Variants in TBC1D1 observed in about 807,000 individuals in gnomAD.
TBC1D1 encodes TBC1 domain family member 1, also known as TBC1 (tre-2/USP6, BUB2, cdc16) domain family, member 1.
Under a neutral mutation model 125.6 loss-of-function variants are expected in TBC1D1, and 89 were observed. The observed-to-expected ratio is 0.71, with a 90% CI of 0.60 to 0.85. TBC1D1 has a LOEUF of 0.85. Among genes scored for constraint, TBC1D1 ranks in the 40% least tolerant of loss-of-function variants. The pLI is 0.00. For synonymous variants in TBC1D1, 565 were observed against 564.1 expected (o/e 1.00, Z -0.02); for missense variants, 1,377 against 1,469.2 (o/e 0.94, Z 1.03).
intron 8 of TBC1D1, among the ~76,000 whole-genome samples, chr4:38,036,602 T>C (rs1747263863): frequency 6.6e-6 from 1 of 152,236 alleles, no homozygotes; most frequent in South Asian, 2.1e-4. Flanking sequence ...CCTTTGCGTC[T>C]GGACCCTAAA....
intron 1 of TBC1D1, among the ~76,000 whole-genome samples, chr4:37,899,718 A>G (rs902557498): frequency 6.6e-6 from 1 of 152,268 alleles, no homozygotes; most frequent in Non-Finnish European, 1.5e-5. Flanking sequence ...TGCCCAAAAC[A>G]GCAGGTGAAA....
At chr4:37,939,636 G>T (rs916270223) in intron 2 of TBC1D1, among the ~76,000 whole-genome samples, 12 of 152,042 alleles carry the variant, frequency 7.9e-5, no homozygotes, top group African/African-American at 2.7e-4. Context: ...GGTTTTCTTA[G>T]AGGGTTTTTA....
At chr4:37,979,950 G>T (rs1734019758) in intron 2 of TBC1D1, among the ~76,000 whole-genome samples, 1 of 152,132 alleles carries the variant, frequency 6.6e-6, no homozygotes, top group Non-Finnish European at 1.5e-5. Context: ...CGCTAATTTT[G>T]TATTTTTAAA....
At chr4:37,895,411 C>T (rs1714348657) in intron 1 of TBC1D1, among the ~76,000 whole-genome samples, 1 of 151,962 alleles carries the variant, frequency 6.6e-6, no homozygotes, top group Non-Finnish European at 1.5e-5. Context: ...AAAGGACTAG[C>T]CTTGAGTTGG....
At chr4:37,903,416 CTG>C (rs1355533496) in intron 2 of TBC1D1, among the ~76,000 whole-genome samples, 2 of 152,192 alleles carry the variant, frequency 1.3e-5, no homozygotes, top group African/African-American at 4.8e-5. Context: ...ACCCCATGGA[CTG>C]TGGAGTCTTG....
At chr4:38,000,120 G>T (rs899194899) in intron 2 of TBC1D1, among the ~76,000 whole-genome samples, 5 of 152,098 alleles carry the variant, frequency 3.3e-5, no homozygotes, top group Non-Finnish European at 7.4e-5. Context: ...ATTTTCAAGT[G>T]GATTTGTTTG....
chr4:37,928,612 T>C (rs760562037), intron 2 of TBC1D1, among the ~76,000 whole-genome samples: 3 of 152,222 alleles, frequency 2.0e-5, no homozygotes, highest in Non-Finnish European at 2.9e-5. Context: ...GCAGTGGGTA[T>C]ACTTTTGAAA....
chr4:37,967,289 G>A (rs907846575), intron 2 of TBC1D1, among the ~76,000 whole-genome samples: 2 of 152,160 alleles, frequency 1.3e-5, no homozygotes, highest in African/African-American at 4.8e-5. Context: ...GGGGTCAGGA[G>A]TTCAAGACCA....
intron 12 of TBC1D1, among the ~76,000 whole-genome samples, chr4:38,069,920 G>A (rs1246318346): frequency 6.6e-6 from 1 of 152,062 alleles, no homozygotes; most frequent in Non-Finnish European, 1.5e-5. Flanking sequence ...TGTATTTTAT[G>A]TGTGGCCCAA....
intron 2 of TBC1D1, among the ~76,000 whole-genome samples, chr4:37,982,953 T>G (rs1398687724): frequency 6.6e-6 from 1 of 152,114 alleles, no homozygotes; most frequent in Non-Finnish European, 1.5e-5. Context: ...TGGAGGCCCC[T>G]TGGTGGAGCT....
intron 3 of TBC1D1, among the ~76,000 whole-genome samples, chr4:38,016,048 A>G (rs1742649935): frequency 6.6e-6 from 1 of 152,240 alleles, no homozygotes; most frequent in Non-Finnish European, 1.5e-5. Context: ...CTGCTGTGCT[A>G]ACGTCCCTTG....
chr4:38,121,607 C>T (rs952284983), intron 17 of TBC1D1, among the ~76,000 whole-genome samples: 2 of 152,170 alleles, frequency 1.3e-5, no homozygotes, highest in South Asian at 2.1e-4. Context: ...TGCCTCACTG[C>T]GCTGGGCGGC....
intron 7 of TBC1D1, among the ~76,000 whole-genome samples, chr4:38,030,842 C>T (rs535625217): frequency 3.9e-5 from 6 of 152,136 alleles, no homozygotes; most frequent in Non-Finnish European, 8.8e-5. Flanking sequence ...GTTATTAAAA[C>T]ATACCTTATT....
chr4:38,134,329 A>C (rs537720410), intron 19 of TBC1D1, among the ~76,000 whole-genome samples: 181 of 152,328 alleles, frequency 1.2e-3, no homozygotes, highest in Non-Finnish European at 1.7e-3. Flanking sequence ...CAGATATGTG[A>C]AAGAGAGGAA....
intron 13 of TBC1D1, among the ~76,000 whole-genome samples, chr4:38,091,064 C>T (rs1326425183): frequency 6.6e-6 from 1 of 152,170 alleles, no homozygotes; most frequent in Non-Finnish European, 1.5e-5. Context: ...AGTGGATAGA[C>T]GTTCTCTGTG....
intron 12 of TBC1D1, among the ~76,000 whole-genome samples, chr4:38,073,281 ATCTT>A (rs1755019637): frequency 6.6e-6 from 1 of 152,200 alleles, no homozygotes; most frequent in Non-Finnish European, 1.5e-5. Context: ...CACACTTGTA[ATCTT>A]CTGGATTGCA....
chr4:38,023,195 C>T (rs1479741187), intron 6 of TBC1D1, among the ~76,000 whole-genome samples: 2 of 147,868 alleles, frequency 1.4e-5, no homozygotes, highest in Non-Finnish European at 3.0e-5. Flanking sequence ...TGCAGTGAGC[C>T]GAGATTGTGC....
At chr4:38,110,892 T>A (rs1762091272) in intron 15 of TBC1D1, among the ~76,000 whole-genome samples, 1 of 152,246 alleles carries the variant, frequency 6.6e-6, no homozygotes, top group Admixed American at 6.5e-5. Context: ...CTATGGGGTG[T>A]GTGGCCTTCT....
Position 38,089,957 on chromosome 4 carries a change from C to A in TBC1D1, c.2076C>A (p.Pro692=). Residue 692 remains proline (P), a synonymous_variant, in exon 13 of 20, where the codon CCC becomes CCA. Transcript: ENST00000261439. ...ATTATTCAGAGCTGGGAGAGCTTCC[C>A]CCACGATCTCCTTTAGAACCAGTTT... 2 of 1,595,936 alleles carry A rather than the reference C, an allele frequency of 1.3e-6. No individual in the cohort carries two copies. Among genetic ancestry groups the A allele is most frequent in the African/African-American group, 1.4e-5 (1 of 73,828 alleles).
Sources: allele counts gnomAD v4.1 joint callset (sites outside exome capture counted in the v4.1 genomes callset), GRCh38; gene constraint gnomAD v4.1.1; transcripts MANE v1.5; gene names NCBI Gene and HGNC (gene_info 2026-07-23, HGNC 2026-07-21).